HPSE2: variants seen among roughly 807,000 people sequenced by gnomAD.
The protein encoded by HPSE2 is heparanase 2 (inactive), also known as inactive heparanase-2.
Under a neutral mutation model 60.5 loss-of-function variants are expected in HPSE2, and 38 were observed. The observed-to-expected ratio is 0.63, with a 90% confidence interval of 0.48 to 0.82. The LOEUF is 0.82. Among genes scored for constraint, HPSE2 ranks in the 40% least tolerant of loss-of-function variants. HPSE2 has a pLI of 0.00. For synonymous variants in HPSE2, 295 were observed against 293.2 expected, an observed-to-expected ratio of 1.01 and a Z score of -0.06; for missense variants, 713 against 740.4, an observed-to-expected ratio of 0.96 and a Z score of 0.43.
intron 3 of HPSE2, among the ~76,000 whole-genome samples, chr10:98,850,718 C>A (rs1952151112): frequency 8.8e-6 from 1 of 113,906 alleles, no homozygotes. Flanking sequence ...GCCTGGGTGA[C>A]AGAGTGAGAC....
chr10:98,577,231 GATTTT>G (rs1944666627), intron 9 of HPSE2, among the ~76,000 whole-genome samples: 1 of 151,526 alleles, frequency 6.6e-6, no homozygotes, highest in African/African-American at 2.4e-5. Flanking sequence ...TTATCAATAT[GATTTT>G]ACTGTCTCAG....
chr10:99,207,747 T>C lies in HPSE2; in HGVS notation c.448+24601A>G, dbSNP rs1280039378. On this transcript the variant is annotated intron_variant, in intron 2 of 11. Coordinates refer to ENST00000370552, the MANE Select transcript of HPSE2 (RefSeq NM_021828.5). The stretch of plus-strand genomic sequence containing the variant: ...TTTTAAAAAGCCTAAAATAACTATG[T>C]TTTTATATAAGCTTCACTCTAAATA... 2.6e-5 allele frequency among the ~76,000 whole-genome samples: 4 copies of C among 152,066 alleles called. No individual in the cohort carries two copies. The East Asian group carries it at 7.7e-4, about 29-fold the overall frequency.
intron 2 of HPSE2, among the ~76,000 whole-genome samples, chr10:99,230,138 T>C (rs1849596856): frequency 1.3e-5 from 2 of 152,130 alleles, no homozygotes; most frequent in Non-Finnish European, 2.9e-5. Flanking sequence ...CTAGGAGCAA[T>C]AAAACAGATT....
At chr10:98,630,493 G>A (rs1045056412) in intron 7 of HPSE2, among the ~76,000 whole-genome samples, 34 of 151,962 alleles carry the variant, frequency 2.2e-4, no homozygotes, top group African/African-American at 8.2e-4. Flanking sequence ...CACCACGCCC[G>A]GCCGTAATAG....
At chr10:98,777,232 T>A (rs545495338) in intron 3 of HPSE2, among the ~76,000 whole-genome samples, 1 of 152,108 alleles carries the variant, frequency 6.6e-6, no homozygotes, top group African/African-American at 2.4e-5. Flanking sequence ...CTCATCCCTA[T>A]CACCTTGGGC....
At chr10:98,583,032 G>C (rs1016256099) in intron 9 of HPSE2, among the ~76,000 whole-genome samples, 6 of 152,108 alleles carry the variant, frequency 3.9e-5, no homozygotes, top group African/African-American at 4.8e-5. Flanking sequence ...CGAAGACTAG[G>C]GGGGCATAGG....
intron 3 of HPSE2, among the ~76,000 whole-genome samples, chr10:99,132,809 CA>C (rs1288185822): frequency 2.6e-5 from 4 of 152,172 alleles, no homozygotes; most frequent in African/African-American, 9.7e-5. Flanking sequence ...ACTGGGTGGC[CA>C]TTTGGGCAGA....
At chr10:98,910,113 C>T (rs2135017683) in intron 3 of HPSE2, among the ~76,000 whole-genome samples, 1 of 152,308 alleles carries the variant, frequency 6.6e-6, no homozygotes, top group African/African-American at 2.4e-5. Flanking sequence ...CCAGCAGTAT[C>T]ATTGATGCAA....
At chr10:99,094,017 TGATA>T (rs2135606669) in intron 3 of HPSE2, among the ~76,000 whole-genome samples, 1 of 152,300 alleles carries the variant, frequency 6.6e-6, no homozygotes, top group East Asian at 1.9e-4. Context: ...CTTTCTTTAT[TGATA>T]ATTATCTGTG....
intron 2 of HPSE2, among the ~76,000 whole-genome samples, chr10:99,151,425 G>C (rs1846258296): frequency 6.6e-6 from 1 of 152,104 alleles, no homozygotes; most frequent in Non-Finnish European, 1.5e-5. Flanking sequence ...GGGCAGAATT[G>C]TTTGAAGACA....
At chr10:98,677,156 C>T (rs1456288654) in intron 6 of HPSE2, among the ~76,000 whole-genome samples, 2 of 152,176 alleles carry the variant, frequency 1.3e-5, no homozygotes, top group South Asian at 4.2e-4. Context: ...GGGAGAAACT[C>T]CTTGCTAACT....
intron 3 of HPSE2, among the ~76,000 whole-genome samples, chr10:98,868,859 TA>T (rs1468798700): frequency 6.6e-6 from 1 of 152,202 alleles, no homozygotes. Context: ...TAATGTTTAC[TA>T]GAGGAGTTTT....
At chr10:99,011,754 C>CAAA (rs5787319) in intron 3 of HPSE2, among the ~76,000 whole-genome samples, 13,171 of 92,414 alleles carry the variant, frequency 0.14, 1,837 homozygotes, top group African/African-American at 0.28. Context: ...GACTCCATCT[C>CAAA]AAAAAAAAAA....
chr10:98,668,357 C>T (rs1374547626), intron 6 of HPSE2, among the ~76,000 whole-genome samples: 1 of 152,100 alleles, frequency 6.6e-6, no homozygotes, highest in East Asian at 1.9e-4. Flanking sequence ...TTTACAGATT[C>T]AGTGTTATCC....
chr10:99,304,483 G>T, the HPSE2 span, among the ~76,000 whole-genome samples: 1 of 152,240 alleles, frequency 6.6e-6, no homozygotes, highest in Non-Finnish European at 1.5e-5. Flanking sequence ...CCTCTGGCTT[G>T]CCCTTGAATT....
intron 3 of HPSE2, among the ~76,000 whole-genome samples, chr10:98,828,759 T>TG: frequency 6.6e-6 from 1 of 152,300 alleles, no homozygotes; most frequent in Non-Finnish European, 1.5e-5. Flanking sequence ...TGTGTGCTGC[T>TG]GGTAGGAATG....
At chr10:99,090,580 CAAAT>C (rs1256400906) in intron 3 of HPSE2, among the ~76,000 whole-genome samples, 5 of 151,968 alleles carry the variant, frequency 3.3e-5, no homozygotes, top group East Asian at 1.9e-4. Flanking sequence ...AATATTTGAA[CAAAT>C]AAATAAATGA....
At chr10:99,156,084 G>A (rs1423531378) in intron 2 of HPSE2, among the ~76,000 whole-genome samples, 3 of 147,670 alleles carry the variant, frequency 2.0e-5, no homozygotes, top group Non-Finnish European at 3.0e-5. Flanking sequence ...CCAATAACAG[G>A]ATCTGAAATT....
At chr10:99,079,417 C>A (rs1843057256) in intron 3 of HPSE2, among the ~76,000 whole-genome samples, 1 of 152,046 alleles carries the variant, frequency 6.6e-6, no homozygotes. Context: ...TCTGAGCAGG[C>A]AAGACAGATG....
Sources: gnomAD v4.1 joint callset for allele counts (sites outside exome capture counted in the v4.1 genomes callset) on GRCh38, gnomAD v4.1.1 for gene constraint, MANE v1.5 for transcripts, NCBI Gene and HGNC (gene_info 2026-07-23, HGNC 2026-07-21) for gene names.